DENND1A: variants seen among roughly 807,000 people sequenced by gnomAD.
DENND1A encodes the protein DENN domain containing 1A.
In DENND1A, 51 loss-of-function variants were observed where a neutral mutation model predicts 113.7. The ratio of observed to expected loss-of-function variants is 0.45; its 90% CI spans 0.36 to 0.57. The LOEUF is 0.57. DENND1A is among the 20% of genes least tolerant of loss of function. DENND1A has a pLI of 0.00. For missense variants in DENND1A, 1,258 were observed against 1,395.9 expected (o/e 0.90, Z 1.57); for synonymous variants, 565 against 570.8 (o/e 0.99, Z 0.14).
chr9:123,588,633 A>AGGGGGGGGGG (rs1290448078), intron 11 of DENND1A, among the ~76,000 whole-genome samples: 1 of 86,446 alleles, frequency 1.2e-5, no homozygotes, highest in Non-Finnish European at 2.3e-5. Flanking sequence ...AAAAAAAAAA[A>AGGGGGGGGGG]GGGGGGGGGG....
Position 123,403,395 on chromosome 9 carries a change from T to C in DENND1A, c.1631+7A>G. On this transcript the variant is annotated splice_region_variant and intron_variant, in intron 21 of 23. Coordinates refer to ENST00000394215, the MANE Select transcript of DENND1A (RefSeq NM_001352964.2). Reference sequence around the variant, plus strand: ...TTACAGACAGAGGGGAGAGGCACAATACTCACTGCTCAGGGCTCGGCACAG... The same window carrying C: ...TTACAGACAGAGGGGAGAGGCACAACACTCACTGCTCAGGGCTCGGCACAG... 6.2e-7 allele frequency: 1 copy of C among 1,613,842 alleles called. No individual in the cohort carries two copies. The highest frequency in any genetic ancestry group is 8.5e-7 in the Non-Finnish European group (1 of 1,179,904).
At chr9:123,899,259 T>C (rs1165113457) in intron 1 of DENND1A, among the ~76,000 whole-genome samples, 2 of 152,134 alleles carry the variant, frequency 1.3e-5, no homozygotes, top group Non-Finnish European at 2.9e-5. Flanking sequence ...TCAACCAAAT[T>C]CATCCTTCTC....
chr9:123,853,511 G>GAAA (rs1260084290), intron 2 of DENND1A, among the ~76,000 whole-genome samples: 7 of 151,620 alleles, frequency 4.6e-5, no homozygotes, highest in Non-Finnish European at 1.0e-4. Context: ...TAAAAATACA[G>GAAA]AAATTAGCCA....
rs116058525 is a variant in DENND1A, at chr9:123,488,923, C to T, written c.994-31026G>A. On this transcript the variant is annotated intron_variant, in intron 13 of 23. Coordinates refer to ENST00000394215, the MANE Select transcript of DENND1A (RefSeq NM_001352964.2). ...GGAAAGACAGCTAATGCTTACAATT[C>T]GGCCAGGCAGGAGGTCTGCAAATGC... is the stretch of plus-strand genomic sequence containing the variant. Among the ~76,000 whole-genome samples, 861 of 152,302 alleles carry T rather than the reference C, an allele frequency of 5.7e-3. 10 individuals are homozygous for T. Among genetic ancestry groups the T allele is most frequent in the African/African-American group, 0.02 (816 of 41,578 alleles).
intron 5 of DENND1A, among the ~76,000 whole-genome samples, chr9:123,728,479 C>CAAAAAAAAAAAAAAAAACAAA (rs2067884864): frequency 4.0e-5 from 1 of 25,182 alleles, no homozygotes; most frequent in African/African-American, 1.5e-4. Flanking sequence ...CTCTGTCTCC[C>CAAAAAAAAAAAAAAAAACAAA]AAAAAAAAAA....
At chr9:123,884,997 G>GCGCACA (rs370719014) in intron 1 of DENND1A, among the ~76,000 whole-genome samples, 162 of 145,944 alleles carry the variant, frequency 1.1e-3, no homozygotes, top group Non-Finnish European at 1.5e-3. Context: ...GAGCGCGCGC[G>GCGCACA]CACACACACA....
At chr9:123,438,529 TGGAA>T (rs1564488655) in intron 19 of DENND1A, among the ~76,000 whole-genome samples, 3 of 152,082 alleles carry the variant, frequency 2.0e-5, no homozygotes, top group African/African-American at 7.2e-5. Context: ...CGGCTGCAGC[TGGAA>T]GGGAGAGCCC....
At chr9:123,512,569 C>T (rs1231597694) in intron 13 of DENND1A, among the ~76,000 whole-genome samples, 1 of 152,222 alleles carries the variant, frequency 6.6e-6, no homozygotes, top group Admixed American at 6.5e-5. Context: ...TCCTGCTGCA[C>T]GGTCCCACTG....
rs985487530 is a variant in DENND1A at position 123,382,747 on chromosome 9, C to A, written c.2020-122G>T. 3.6e-5 allele frequency: 39 copies of A among 1,090,422 alleles called. No individual in the cohort carries two copies. In the Admixed American group the frequency reaches 6.6e-4, roughly 18 times the overall value. The allele number at this position is 1,090,422 out of a possible 1,614,324, so 67.5% of individuals were successfully genotyped here. A position where few individuals can be genotyped will look rare whatever the true frequency, so the allele number is the denominator to read the frequency against. On this transcript the variant is annotated intron_variant, in intron 23 of 23. Transcript: ENST00000394215. ...GGCCTAGTTGTGTGGCTGATCAGCTCCTCGGACTTGGAACAGCTGAGGGCT... is the reference window on the plus strand; with the variant it reads ...GGCCTAGTTGTGTGGCTGATCAGCTACTCGGACTTGGAACAGCTGAGGGCT...
intron 8 of DENND1A, chr9:123,652,365 T>G (rs2062705270): frequency 2.4e-6 from 1 of 410,080 alleles, no homozygotes; most frequent in South Asian, 3.0e-5. Flanking sequence ...GATTACAACA[T>G]GAGGTCGCAT....
intron 5 of DENND1A, among the ~76,000 whole-genome samples, chr9:123,728,506 A>AAAAAAAAAAAAAAAAAAC (rs1564150268): frequency 1.4e-5 from 2 of 145,814 alleles, no homozygotes; most frequent in African/African-American, 5.4e-5. Flanking sequence ...AAAAAAAAAA[A>AAAAAAAAAAAAAAAAAAC]AAAACAGGCA....
At chr9:123,789,455 T>A (rs188680652) in intron 3 of DENND1A, among the ~76,000 whole-genome samples, 3 of 152,268 alleles carry the variant, frequency 2.0e-5, no homozygotes, top group Admixed American at 6.5e-5. Flanking sequence ...ATTACTTCCG[T>A]GACAGAAAGA....
intron 1 of DENND1A, among the ~76,000 whole-genome samples, chr9:123,917,682 G>A (rs1258884779): frequency 6.6e-6 from 1 of 151,978 alleles, no homozygotes; most frequent in East Asian, 1.9e-4. Flanking sequence ...TAAATCCCAG[G>A]CTGTGATTTC....
intron 3 of DENND1A, among the ~76,000 whole-genome samples, chr9:123,775,883 C>T (rs1363701330): frequency 1.3e-5 from 2 of 152,156 alleles, no homozygotes; most frequent in Non-Finnish European, 2.9e-5. Context: ...TCGCTGCTCT[C>T]CACGTCTCCT....
chr9:123,491,989 A>C (rs1351048570), intron 13 of DENND1A: 1 of 152,276 alleles, frequency 6.6e-6, no homozygotes, highest in Non-Finnish European at 1.5e-5. Context: ...GCTGGAAGAG[A>C]AGATTTCCGA....
chr9:123,387,007 G>A (rs1018451815), intron 22 of DENND1A, among the ~76,000 whole-genome samples: 1 of 152,236 alleles, frequency 6.6e-6, no homozygotes, highest in Non-Finnish European at 1.5e-5. Context: ...ATCCCGCAAA[G>A]GGCAGTTTCC....
At chr9:123,639,493 G>C (rs1340062220) in intron 9 of DENND1A, among the ~76,000 whole-genome samples, 2 of 134,334 alleles carry the variant, frequency 1.5e-5, no homozygotes, top group Non-Finnish European at 1.6e-5. Flanking sequence ...AAAGATTCAA[G>C]CTATAAAACA....
In DENND1A at chr9:123,379,885, A is replaced by AATCT. The variant is rs1476581340; in HGVS notation, c.*1543_*1546dup. On this transcript the variant is annotated 3_prime_UTR_variant, in exon 24 of 24. Coordinates refer to ENST00000394215, the MANE Select transcript of DENND1A (RefSeq NM_001352964.2). ...GGGTCTGCCCAGGGTGCGAAACTGGAATCTATGCTGAAACACCTAAGTGCC... is the reference window on the plus strand; with the variant it reads ...GGGTCTGCCCAGGGTGCGAAACTGGAATCTATCTATGCTGAAACACCTAAGTGCC... 3.9e-5 allele frequency: 6 copies of AATCT among 152,224 alleles called. No homozygotes were observed. Among genetic ancestry groups the AATCT allele is most frequent in the African/African-American group, 1.4e-4 (6 of 41,434 alleles). The allele number at this position is 152,224 out of a possible 1,614,324, so 9.4% of individuals were successfully genotyped here.
chr9:123,427,882 G>T lies in DENND1A; in HGVS notation c.1488+12478C>A, dbSNP rs140028560. 4.2e-3 allele frequency among the ~76,000 whole-genome samples: 639 copies of T among 152,306 alleles called. 25 individuals are homozygous for T. The highest frequency in any genetic ancestry group is 0.037 in the Admixed American group (565 of 15,296). On this transcript the variant is annotated intron_variant, in intron 19 of 23. Coordinates refer to ENST00000394215, the MANE Select transcript of DENND1A (RefSeq NM_001352964.2). Reference sequence around the variant, plus strand: ...TGCCTTGCGTGGGAGTTACTAGGAAGTGACAGTCACTTTCCTGTTGGTCTT... The same window carrying T: ...TGCCTTGCGTGGGAGTTACTAGGAATTGACAGTCACTTTCCTGTTGGTCTT...
Sources: gnomAD v4.1 joint callset for allele counts (sites outside exome capture counted in the v4.1 genomes callset) on GRCh38, gnomAD v4.1.1 for gene constraint, MANE v1.5 for transcripts, NCBI Gene and HGNC (gene_info 2026-07-23, HGNC 2026-07-21) for gene names.